Variants in NCALD observed in about 807,000 individuals in gnomAD.
The protein encoded by NCALD is neurocalcin delta, also known as neurocalcin-delta.
A neutral mutation model predicts 18.6 loss-of-function variants in NCALD; 10 were observed. That is an observed-to-expected ratio of 0.54 (90% CI 0.33 to 0.91). The LOEUF (loss-of-function observed/expected upper bound fraction) is 0.91, where lower values mean the gene tolerates loss of function less well. Among genes scored for constraint, NCALD ranks in the 40% least tolerant of loss-of-function variants. The pLI, the probability that NCALD is intolerant of heterozygous loss-of-function variation, is 0.03. For synonymous variants in NCALD, 88 were observed against 87.4 expected (o/e 1.01, Z -0.04); for missense variants, 184 against 247.6 (o/e 0.74, Z 1.72).
chr8:101,942,729 C>T (rs114634635), intron 2 of NCALD, among the ~76,000 whole-genome samples: 143 of 152,270 alleles, frequency 9.4e-4, no homozygotes, highest in African/African-American at 3.3e-3. Context: ...CTTACTACCC[C>T]CATTTTATAA....
chr8:101,942,891 A>G (rs563361039), intron 2 of NCALD, among the ~76,000 whole-genome samples: 6 of 152,326 alleles, frequency 3.9e-5, no homozygotes, highest in African/African-American at 1.2e-4. Context: ...TTACCATCTC[A>G]TATTTAAAGA....
rs541103797 is a variant in NCALD, at chr8:101,911,811, C to T, written c.-107+3998G>A. Among the ~76,000 whole-genome samples, 9 of 152,284 alleles carry T rather than the reference C, an allele frequency of 5.9e-5. No homozygotes were observed. The East Asian group carries it at 1.7e-3, about 29-fold the overall frequency. ...TAGCAAAGGTTTCTGTTTCGGTCCC[C>T]TAAGAGGTTTGTAGTAACCTCTGTG... On this transcript the variant is annotated intron_variant, in intron 3 of 6. Transcript: ENST00000311028.
chr8:101,714,351 CACAA>C (rs1815959487), intron 2 of NCALD, among the ~76,000 whole-genome samples: 2 of 152,180 alleles, frequency 1.3e-5, no homozygotes, highest in African/African-American at 2.4e-5. Context: ...ACCAATAATA[CACAA>C]ACAGAGAGCC....
At chr8:101,972,991 T>C (rs895606843) in intron 2 of NCALD, among the ~76,000 whole-genome samples, 1 of 151,992 alleles carries the variant, frequency 6.6e-6, no homozygotes, top group Non-Finnish European at 1.5e-5. Context: ...AAGTGCTCCA[T>C]GAAAAAATTA....
chr8:102,012,017 G>C (rs1035462688), intron 2 of NCALD, among the ~76,000 whole-genome samples: 4 of 152,206 alleles, frequency 2.6e-5, no homozygotes, highest in Non-Finnish European at 4.4e-5. Flanking sequence ...GGAGAAGAAA[G>C]TCAACATTCT....
At chr8:102,088,551 C>T (rs1192253500) in intron 1 of NCALD, among the ~76,000 whole-genome samples, 5 of 139,178 alleles carry the variant, frequency 3.6e-5, no homozygotes, top group African/African-American at 5.7e-5. Flanking sequence ...ATCCTGTTTT[C>T]GGGGAAAAAA....
intron 3 of NCALD, among the ~76,000 whole-genome samples, chr8:101,909,147 C>G (rs1033610248): frequency 1.3e-5 from 2 of 152,074 alleles, no homozygotes; most frequent in Admixed American, 6.6e-5. Flanking sequence ...CCTATAAGCC[C>G]CCTCTTGTTG....
intron 2 of NCALD, among the ~76,000 whole-genome samples, chr8:101,991,162 C>T (rs1821032574): frequency 6.6e-6 from 1 of 152,200 alleles, no homozygotes; most frequent in African/African-American, 2.4e-5. Context: ...GTATCGACAA[C>T]ATCCTATTTT....
intron 2 of NCALD, among the ~76,000 whole-genome samples, chr8:101,953,988 G>A (rs1335650775): frequency 6.6e-6 from 1 of 152,166 alleles, no homozygotes; most frequent in African/African-American, 2.4e-5. Flanking sequence ...CAACAGAATT[G>A]CACTGCAACT....
At chr8:102,106,490 CAT>C (rs1315633400) in intron 1 of NCALD, among the ~76,000 whole-genome samples, 113 of 150,028 alleles carry the variant, frequency 7.5e-4, no homozygotes, top group African/African-American at 2.4e-3. Flanking sequence ...CACACACACA[CAT>C]ATACTACAGC....
intron 1 of NCALD, among the ~76,000 whole-genome samples, chr8:102,058,507 G>C (rs1823732889): frequency 6.6e-6 from 1 of 152,202 alleles, no homozygotes; most frequent in African/African-American, 2.4e-5. Flanking sequence ...TCAATCAACA[G>C]AATTAAGTCA....
Position 101,689,106 on chromosome 8 carries a change from C to T in NCALD, c.*203G>A. The T allele has an allele frequency of 1.4e-6, 1 of 704,396 alleles. No individual in the cohort carries two copies. Among genetic ancestry groups the T allele is most frequent in the Non-Finnish European group, 2.6e-6 (1 of 385,862 alleles). The allele number at this position is 704,396 out of a possible 1,614,324, so 43.6% of individuals were successfully genotyped here. On this transcript the variant is annotated 3_prime_UTR_variant, in exon 4 of 4. Coordinates refer to ENST00000220931, the MANE Select transcript of NCALD (RefSeq NM_032041.3). The surrounding 1 kb of genome is among the most constrained non-coding windows in gnomAD (Gnocchi z 4.4). Reference sequence around the variant, plus strand: ...CACCACGAAGTCTGTCCATGCTCTCCACAAGCACACTGGGGCTCTGGGCAT... The same window carrying T: ...CACCACGAAGTCTGTCCATGCTCTCTACAAGCACACTGGGGCTCTGGGCAT...
intron 4 of NCALD, chr8:101,872,283 A>G: frequency 7.2e-7 from 1 of 1,380,478 alleles, no homozygotes; most frequent in Non-Finnish European, 1.0e-6. Flanking sequence ...CTCCAAATTT[A>G]TTCTTCAGTT....
intron 2 of NCALD, among the ~76,000 whole-genome samples, chr8:101,703,453 C>T (rs1362825865): frequency 2.0e-5 from 3 of 152,132 alleles, no homozygotes; most frequent in Non-Finnish European, 2.9e-5. Flanking sequence ...GAGAGTGTGG[C>T]TTCTGGCCAA....
intron 2 of NCALD, among the ~76,000 whole-genome samples, chr8:101,714,475 G>T (rs966048047): frequency 6.6e-6 from 1 of 152,116 alleles, no homozygotes; most frequent in African/African-American, 2.4e-5. Context: ...ACAAACCACT[G>T]CTCAAGGAAA....
chr8:102,006,214 A>T (rs1222543403), intron 2 of NCALD, among the ~76,000 whole-genome samples: 1 of 152,110 alleles, frequency 6.6e-6, no homozygotes, highest in Non-Finnish European at 1.5e-5. Context: ...GTTTTTCCTC[A>T]TATCATTAAC....
rs953933689 is a variant in NCALD, at chr8:101,947,164, G to A, written c.-156-31306C>T. 2.0e-5 allele frequency among the ~76,000 whole-genome samples: 3 copies of A among 152,160 alleles called. No homozygotes were observed. In the South Asian group the frequency reaches 6.2e-4, roughly 32 times the overall value. On this transcript the variant is annotated intron_variant, in intron 2 of 6. Coordinates refer to the NCALD transcript ENST00000311028. Reference sequence around the variant, plus strand: ...GCAATGGCTACTGAGATGTGGAAGTGGTCCAGTCAAAACAAAAGTAGACCA... The same window carrying A: ...GCAATGGCTACTGAGATGTGGAAGTAGTCCAGTCAAAACAAAAGTAGACCA...
chr8:102,030,299 A>G (rs7838698), intron 1 of NCALD, among the ~76,000 whole-genome samples: 3,416 of 152,314 alleles, frequency 0.022, 131 homozygotes, highest in African/African-American at 0.078. Flanking sequence ...TCAGTTCACA[A>G]GAGTTTTATA....
chr8:101,914,666 CCTTT>C (rs1356406973), intron 3 of NCALD, among the ~76,000 whole-genome samples: 1 of 152,168 alleles, frequency 6.6e-6, no homozygotes, highest in Non-Finnish European at 1.5e-5. Context: ...ATTCTAACTT[CCTTT>C]CTTTGCTCAA....
Sources: allele counts gnomAD v4.1 joint callset (sites outside exome capture counted in the v4.1 genomes callset), GRCh38; gene constraint gnomAD v4.1.1; non-coding constraint Gnocchi (gnomAD v3.1); transcripts MANE v1.5; gene names NCBI Gene and HGNC (gene_info 2026-07-23, HGNC 2026-07-21).